MAST4: variants seen among roughly 807,000 people sequenced by gnomAD.
MAST4 encodes microtubule associated serine/threonine kinase family member 4, also known as microtubule-associated serine/threonine-protein kinase 4.
In MAST4, 89 loss-of-function variants were observed where a neutral mutation model predicts 162.7. The observed-to-expected ratio is 0.55, with a 90% CI of 0.46 to 0.65. MAST4 has a LOEUF of 0.65. Ranked by LOEUF, MAST4 falls within the 30% of genes least tolerant of loss-of-function variation. The pLI is 0.00. For synonymous variants in MAST4, 1,479 were observed against 1,361.1 expected, an observed-to-expected ratio of 1.09 and a Z score of -1.91; for missense variants, 3,153 against 3,374.0, an observed-to-expected ratio of 0.93 and a Z score of 1.62.
intron 27 of MAST4, among the ~76,000 whole-genome samples, chr5:67,161,540 TCAA>T (rs1773185081): frequency 6.6e-6 from 1 of 152,108 alleles, no homozygotes; most frequent in Non-Finnish European, 1.5e-5. Context: ...TAGTAGAAAA[TCAA>T]CAGGTAATTT....
chr5:66,828,030 C>CT (rs146032812), intron 3 of MAST4, among the ~76,000 whole-genome samples: 4 of 152,310 alleles, frequency 2.6e-5, no homozygotes, highest in Non-Finnish European at 4.4e-5. Flanking sequence ...TGCTTATACA[C>CT]TATACATAGG....
At chr5:66,977,444 A>C (rs1016940837) in intron 4 of MAST4, among the ~76,000 whole-genome samples, 3 of 152,172 alleles carry the variant, frequency 2.0e-5, no homozygotes, top group Non-Finnish European at 4.4e-5. Context: ...TTGATTGAGA[A>C]AGTAGAAAAA....
intron 6 of MAST4, among the ~76,000 whole-genome samples, chr5:67,095,255 A>ACG (rs1277281766): frequency 6.6e-6 from 1 of 152,174 alleles, no homozygotes; most frequent in African/African-American, 2.4e-5. Flanking sequence ...CAGCTTCCAG[A>ACG]TGAGAGTGTT....
chr5:67,161,933 G>A (rs916053156), intron 27 of MAST4, among the ~76,000 whole-genome samples: 2 of 152,194 alleles, frequency 1.3e-5, no homozygotes, highest in East Asian at 3.8e-4. Context: ...TGCACAGCCC[G>A]ATGCCCTGCT....
At chr5:66,925,223 A>G (rs1031170778) in intron 4 of MAST4, among the ~76,000 whole-genome samples, 3 of 152,196 alleles carry the variant, frequency 2.0e-5, no homozygotes, top group African/African-American at 7.2e-5. Context: ...AATTTGCTGC[A>G]TCTTGAAACA....
At chr5:66,791,739 G>A (rs116394202) in intron 3 of MAST4, among the ~76,000 whole-genome samples, 82 of 152,284 alleles carry the variant, frequency 5.4e-4, no homozygotes, top group African/African-American at 1.8e-3. Flanking sequence ...TTTACTACTA[G>A]ATAGTGAAGG....
intron 3 of MAST4, among the ~76,000 whole-genome samples, chr5:66,883,986 C>G (rs1761879678): frequency 6.6e-6 from 1 of 152,178 alleles, no homozygotes; most frequent in Non-Finnish European, 1.5e-5. Context: ...CTGCCTCTTT[C>G]ATCGTAGCAC....
At chr5:66,792,830 T>G (rs1755477166) in intron 3 of MAST4, among the ~76,000 whole-genome samples, 1 of 152,242 alleles carries the variant, frequency 6.6e-6, no homozygotes. Flanking sequence ...TTTGTTTATA[T>G]ATTTTGATTC....
At chr5:67,024,348 CACACAT>C (rs201108612) in intron 4 of MAST4, among the ~76,000 whole-genome samples, 3,250 of 149,120 alleles carry the variant, frequency 0.022, 57 homozygotes, top group African/African-American at 0.043. Context: ...CACACACACA[CACACAT>C]ACATATAGAT....
chr5:66,722,331 A>G (rs1036159925), intron 1 of MAST4, among the ~76,000 whole-genome samples: 4 of 151,818 alleles, frequency 2.6e-5, no homozygotes, highest in African/African-American at 7.3e-5. Flanking sequence ...TTTTTACCCT[A>G]TGTAGGGGCT....
chr5:67,127,926 T>A (rs914951424), intron 14 of MAST4, among the ~76,000 whole-genome samples: 7 of 152,242 alleles, frequency 4.6e-5, no homozygotes, highest in Admixed American at 2.6e-4. Context: ...TTGTTGGAAG[T>A]CCTTTTCAAG....
At chr5:67,044,888 T>C (rs908804181) in intron 4 of MAST4, among the ~76,000 whole-genome samples, 1 of 152,170 alleles carries the variant, frequency 6.6e-6, no homozygotes, top group African/African-American at 2.4e-5. Context: ...CCCGTTGCAG[T>C]TTTATTCAGA....
intron 2 of MAST4, among the ~76,000 whole-genome samples, chr5:66,778,807 G>A (rs1754719465): frequency 6.6e-6 from 1 of 152,162 alleles, no homozygotes; most frequent in African/African-American, 2.4e-5. Context: ...GGCAGCTTGA[G>A]TTTCTGCTCC....
chr5:67,046,646 A>T (rs1258135500), intron 4 of MAST4, among the ~76,000 whole-genome samples: 2 of 152,200 alleles, frequency 1.3e-5, no homozygotes, highest in African/African-American at 4.8e-5. Context: ...TTCTATGAAG[A>T]CAGAGAATTG....
chr5:67,104,697 G>GAA (rs60519477), intron 10 of MAST4, 122 bp downstream of exon 10: 4,594 of 475,974 alleles, frequency 9.7e-3, no homozygotes, highest in South Asian at 0.013. Flanking sequence ...AAAAAAGAAG[G>GAA]AAAAAAAAAA....
chr5:67,139,001 G>A (rs534563566), intron 19 of MAST4, among the ~76,000 whole-genome samples: 2 of 152,176 alleles, frequency 1.3e-5, no homozygotes, highest in South Asian at 4.1e-4. Flanking sequence ...TTACTTCTCT[G>A]CACATTTTCT....
intron 2 of MAST4, among the ~76,000 whole-genome samples, chr5:66,786,285 T>C (rs80238074): frequency 1.3e-5 from 2 of 151,952 alleles, no homozygotes; most frequent in Non-Finnish European, 2.9e-5. Context: ...TTTTTTTTTT[T>C]AATCTACGTT....
chr5:66,966,877 C>A (rs115450161), intron 4 of MAST4, among the ~76,000 whole-genome samples: 2,357 of 152,130 alleles, frequency 0.015, 56 homozygotes, highest in African/African-American at 0.054. Flanking sequence ...ACTTGAACCC[C>A]AAAAAACAGA....
At chr5:66,655,219 A>C (rs1276094458) in intron 1 of MAST4, among the ~76,000 whole-genome samples, 1 of 152,146 alleles carries the variant, frequency 6.6e-6, no homozygotes, top group African/African-American at 2.4e-5. Context: ...TGATGCTTTC[A>C]TGTTAGAAGA....
Sources: gnomAD v4.1 joint callset for allele counts (sites outside exome capture counted in the v4.1 genomes callset) on GRCh38, gnomAD v4.1.1 for gene constraint, MANE v1.5 for transcripts, NCBI Gene and HGNC (gene_info 2026-07-23, HGNC 2026-07-21) for gene names.